The following TMEM229B variants were observed in gnomAD, a reference collection of about 807,000 sequenced individuals.
The protein encoded by TMEM229B is transmembrane protein 229B.
In TMEM229B, 6 loss-of-function variants were observed where a neutral mutation model predicts 13.7. That is an observed-to-expected ratio of 0.44 (90% CI 0.24 to 0.86). The LOEUF is 0.86. TMEM229B is among the 40% of genes least tolerant of loss of function. The pLI is 0.23. For synonymous variants in TMEM229B, 107 were observed against 102.1 expected, an observed-to-expected ratio of 1.05 and a Z score of -0.29; for missense variants, 170 against 236.0, an observed-to-expected ratio of 0.72 and a Z score of 1.83.
intron 1 of TMEM229B, among the ~76,000 whole-genome samples, chr14:67,503,904 A>AT (rs1307806830): frequency 6.6e-6 from 1 of 151,560 alleles, no homozygotes; most frequent in African/African-American, 2.4e-5. Context: ...GGGTTTCACC[A>AT]TGTTGGCCAG....
At chr14:67,501,732 C>T (rs2032618338) in intron 1 of TMEM229B, among the ~76,000 whole-genome samples, 1 of 152,142 alleles carries the variant, frequency 6.6e-6, no homozygotes, top group African/African-American at 2.4e-5. Context: ...CACCAAAGTC[C>T]CCTATCTAAG....
intron 1 of TMEM229B, among the ~76,000 whole-genome samples, chr14:67,504,867 C>T (rs150575060): frequency 5.3e-5 from 8 of 152,288 alleles, no homozygotes; most frequent in African/African-American, 1.9e-4. Context: ...ATCAGGGCAA[C>T]AAGAGCGACA....
intron 1 of TMEM229B, among the ~76,000 whole-genome samples, chr14:67,495,053 G>T (rs1350979387): frequency 1.3e-5 from 2 of 152,148 alleles, no homozygotes; most frequent in African/African-American, 2.4e-5. Context: ...CAACTTTTCT[G>T]TACATTTGAA....
chr14:67,516,767 C>A (rs2033209468), upstream of TMEM229B, among the ~76,000 whole-genome samples: 1 of 152,180 alleles, frequency 6.6e-6, no homozygotes, highest in Admixed American at 6.5e-5. Flanking sequence ...CCATGTATAT[C>A]GTGTTCCTGG....
chr14:67,519,758 TG>T (rs1197686917), upstream of TMEM229B, among the ~76,000 whole-genome samples: 1 of 151,884 alleles, frequency 6.6e-6, no homozygotes, highest in East Asian at 1.9e-4. Flanking sequence ...GTTCTCGTTC[TG>T]TTGCCCAGCC....
At chr14:67,523,152 G>A (rs564507720) in intron 1 of TMEM229B, among the ~76,000 whole-genome samples, 13 of 152,014 alleles carry the variant, frequency 8.6e-5, no homozygotes, top group Non-Finnish European at 1.9e-4. Context: ...GTGAAACCCT[G>A]TCTGTACTAA....
At chr14:67,532,068 ACGAGCTATAAAG>A (rs2033476981) in intron 1 of TMEM229B, among the ~76,000 whole-genome samples, 1 of 152,140 alleles carries the variant, frequency 6.6e-6, no homozygotes, top group South Asian at 2.1e-4. Context: ...CCCAATCCCC[ACGAGCTATAAAG>A]CTGTTTGCAA....
rs1197517775 is a variant in TMEM229B, at chr14:67,471,810, G to A, written c.*1610C>T. The stretch of plus-strand genomic sequence containing the variant: ...GGGCAGGGCAGCCAGCAGGGAAGAG[G>A]ACATTCTCTCCACAGGTGATACCGT... On this transcript the variant is annotated 3_prime_UTR_variant, in exon 3 of 3. Transcript: ENST00000554480. The A allele has an allele frequency of 6.6e-6, 1 of 152,376 alleles. No individual in the cohort carries two copies. The highest frequency in any genetic ancestry group is 1.5e-5 in the Non-Finnish European group (1 of 68,178). The allele number at this position is 152,376 out of a possible 1,614,324, so 9.4% of individuals were successfully genotyped here.
chr14:67,515,331 T>G, exon 1 of TMEM229B: 1 of 158,928 alleles, frequency 6.3e-6, no homozygotes. Flanking sequence ...TAGTCCCGCA[T>G]TGTGTGTCGG....
At chr14:67,526,040 T>C (rs779446185) in intron 1 of TMEM229B, among the ~76,000 whole-genome samples, 2 of 152,202 alleles carry the variant, frequency 1.3e-5, no homozygotes, top group African/African-American at 2.4e-5. Context: ...ACCAACCTTA[T>C]ATATGAGACC....
intron 1 of TMEM229B, among the ~76,000 whole-genome samples, chr14:67,508,761 A>AAAAAAAAAAAAAAAAAAAC (rs1566698813): frequency 3.3e-5 from 5 of 149,728 alleles, no homozygotes; most frequent in Admixed American, 2.7e-4. Flanking sequence ...CTCAAAAAAA[A>AAAAAAAAAAAAAAAAAAAC]AAAAAAAAAA....
upstream of TMEM229B, among the ~76,000 whole-genome samples, chr14:67,493,635 C>A (rs960870800): frequency 3.3e-5 from 5 of 152,148 alleles, no homozygotes; most frequent in African/African-American, 1.2e-4. Flanking sequence ...CAATACCCTG[C>A]CTGTTGGGGT....
intron 1 of TMEM229B, among the ~76,000 whole-genome samples, chr14:67,498,918 C>T (rs1234839188): frequency 2.6e-5 from 4 of 152,210 alleles, no homozygotes; most frequent in Admixed American, 2.0e-4. Flanking sequence ...ATCCACCCAC[C>T]TTGGCCTCCC....
chr14:67,473,126 T>C lies in TMEM229B; in HGVS notation c.*294A>G. ...AGGGCCTGCTGCTTCCAAAGTCAAC[T>C]ACATAGTCCATCGCTGCTCAGCCAC... On this transcript the variant is annotated 3_prime_UTR_variant, in exon 3 of 3. Coordinates refer to ENST00000554480, the MANE Select transcript of TMEM229B (RefSeq NM_001348543.2). This position sits in a 1 kb window ranked among gnomAD's most constrained non-coding sequence, Gnocchi z 6.5. The C allele has an allele frequency of 2.4e-6, 1 of 414,816 alleles. No individual in the cohort carries two copies. The highest frequency in any genetic ancestry group is 4.5e-6 in the Non-Finnish European group (1 of 224,408). 25.7% of individuals were successfully genotyped at this position (414,816 alleles called of 1,614,324 possible).
At chr14:67,532,372 T>C (rs1200466026) in intron 1 of TMEM229B, among the ~76,000 whole-genome samples, 1 of 152,202 alleles carries the variant, frequency 6.6e-6, no homozygotes, top group Non-Finnish European at 1.5e-5. Context: ...AGGCTCTGTT[T>C]TGAAGTGTGG....
chr14:67,476,068 C>T (rs2031174079), intron 2 of TMEM229B, among the ~76,000 whole-genome samples: 1 of 152,230 alleles, frequency 6.6e-6, no homozygotes, highest in Non-Finnish European at 1.5e-5. Flanking sequence ...TAAATCCCAG[C>T]TCTGCCAGCT....
intron 1 of TMEM229B, among the ~76,000 whole-genome samples, chr14:67,512,718 G>T (rs1048022411): frequency 1.3e-5 from 2 of 151,980 alleles, no homozygotes; most frequent in African/African-American, 2.4e-5. Context: ...CAACATCATC[G>T]GAGACCCTCC....
chr14:67,500,766 T>C (rs1249113543), intron 1 of TMEM229B, among the ~76,000 whole-genome samples: 1 of 151,492 alleles, frequency 6.6e-6, no homozygotes, highest in African/African-American at 2.4e-5. Context: ...AGAGACGGGG[T>C]TTCACCGTGT....
intron 2 of TMEM229B, among the ~76,000 whole-genome samples, chr14:67,480,358 A>G (rs2031508663): frequency 6.6e-6 from 1 of 152,128 alleles, no homozygotes; most frequent in African/African-American, 2.4e-5. Flanking sequence ...CAGGAGAACA[A>G]AACTCCCACA....
Sources: allele counts gnomAD v4.1 joint callset (sites outside exome capture counted in the v4.1 genomes callset), GRCh38; gene constraint gnomAD v4.1.1; non-coding constraint Gnocchi (gnomAD v3.1); transcripts MANE v1.5; gene names NCBI Gene and HGNC (gene_info 2026-07-23, HGNC 2026-07-21).